The following YME1L1 variants were observed in gnomAD, a reference collection of about 807,000 sequenced individuals.
YME1L1 encodes ATP-dependent zinc metalloprotease YME1L1.
YME1L1 carries 39 observed loss-of-function variants against 90.4 expected under a neutral mutation model. That is an observed-to-expected ratio of 0.43 (90% CI 0.33 to 0.56). The LOEUF is 0.56. Ranked by LOEUF, YME1L1 falls within the 20% of genes least tolerant of loss-of-function variation. The pLI is 0.03. For missense variants in YME1L1, 617 were observed against 868.4 expected (o/e 0.71, Z 3.64); for synonymous variants, 284 against 287.3 (o/e 0.99, Z 0.12).
chr10:27,129,482 G>T (rs1236356072), intron 8 of YME1L1: 1 of 151,620 alleles, frequency 6.6e-6, no homozygotes, highest in East Asian at 1.9e-4. Flanking sequence ...AATAAGTAAA[G>T]AAGAAAAGCA....
intron 6 of YME1L1, among the ~76,000 whole-genome samples, 192 bp from the exon 7 acceptor site, chr10:27,134,314 T>C (rs942096041): frequency 2.6e-5 from 4 of 152,226 alleles, no homozygotes; most frequent in African/African-American, 4.8e-5. Flanking sequence ...CCAAGCATGG[T>C]GGCTCATGCC....
chr10:27,148,895 T>A lies in YME1L1; in HGVS notation c.168+11A>T. 6.2e-7 allele frequency: 1 copy of A among 1,613,436 alleles called. No homozygotes were observed. Among genetic ancestry groups the A allele is most frequent in the Non-Finnish European group, 8.5e-7 (1 of 1,179,908 alleles). On this transcript the variant is annotated intron_variant, in intron 2 of 18. Transcript: ENST00000376016. ...AAAAGGCTTTCTCACACAACCAGGATAAAGACTTACCTCACTGCTGGGAGC... is the reference window on the plus strand; with the variant it reads ...AAAAGGCTTTCTCACACAACCAGGAAAAAGACTTACCTCACTGCTGGGAGC...
Position 27,124,525 on chromosome 10 carries a change from TA to T in YME1L1, c.950-827del, listed in dbSNP as rs535919216. Among the ~76,000 whole-genome samples the T allele has an allele frequency of 4.5e-3, 679 of 152,204 alleles. 4 individuals carry two copies. Among genetic ancestry groups the T allele is most frequent in the African/African-American group, 0.015 (635 of 41,550 alleles). On this transcript the variant is annotated intron_variant, in intron 9 of 18. Coordinates refer to ENST00000376016, the MANE Select transcript of YME1L1 (RefSeq NM_014263.4). ...CATACATGTTTGCTGCATTTTAACA[TA>T]AAAAAAATTTTAAAGAAAGCTCAAG...
Position 27,152,992 on chromosome 10 carries a change from A to T in YME1L1, c.33+1186T>A, listed in dbSNP as rs551587142. On this transcript the variant is annotated intron_variant, in intron 1 of 18. Coordinates refer to ENST00000376016, the MANE Select transcript of YME1L1 (RefSeq NM_014263.4). ...TAATATATCCTTTACTCCCTGTATG[A>T]TCTGCCTCAAGTCTTTTCTCCAACC... is the stretch of plus-strand genomic sequence containing the variant. 6.5e-4 allele frequency among the ~76,000 whole-genome samples: 99 copies of T among 152,272 alleles called. 1 individual carries two copies. The highest frequency in any genetic ancestry group is 2.2e-3 in the African/African-American group (92 of 41,546).
intron 12 of YME1L1, 128 bp downstream of exon 12, chr10:27,121,258 T>G (rs990077920): frequency 4.5e-6 from 3 of 667,628 alleles, no homozygotes; most frequent in Non-Finnish European, 8.0e-6. Flanking sequence ...TCTGTGAATT[T>G]GCTTATTCTG....
chr10:27,141,270 C>T (rs757612572), intron 4 of YME1L1, among the ~76,000 whole-genome samples: 1 of 152,058 alleles, frequency 6.6e-6, no homozygotes, highest in Non-Finnish European at 1.5e-5. Flanking sequence ...GTGGTGGGAA[C>T]CTGTAATCCC....
intron 12 of YME1L1, among the ~76,000 whole-genome samples, 185 bp from the exon 13 acceptor site, chr10:27,120,732 A>G (rs2056858975): frequency 1.3e-5 from 2 of 152,240 alleles, no homozygotes; most frequent in South Asian, 2.1e-4. Flanking sequence ...ATAACCAGAA[A>G]GCAGAACAAA....
intron 4 of YME1L1, among the ~76,000 whole-genome samples, chr10:27,138,924 T>C (rs1409200436): frequency 6.6e-6 from 1 of 151,994 alleles, no homozygotes; most frequent in Admixed American, 6.6e-5. Context: ...TTTCTAAGAG[T>C]TTTCAGGAAG....
intron 18 of YME1L1, among the ~76,000 whole-genome samples, chr10:27,112,946 G>T (rs1302398428): frequency 2.0e-5 from 3 of 152,066 alleles, no homozygotes. Flanking sequence ...GCCTGGCTGG[G>T]TGCGGTGGCT....
chr10:27,113,230 A>T (rs868418254), intron 18 of YME1L1, among the ~76,000 whole-genome samples: 52 of 11,390 alleles, frequency 4.6e-3, no homozygotes, highest in Middle Eastern at 0.045. Flanking sequence ...AAAAAAAAAA[A>T]AAAAAAAAAA....
chr10:27,122,800 G>A, intron 11 of YME1L1, 41 bp downstream of exon 11: 2 of 1,608,284 alleles, frequency 1.2e-6, no homozygotes, highest in East Asian at 2.2e-5. Flanking sequence ...CAAATGCTGG[G>A]AGGCATCACC....
intron 7 of YME1L1, among the ~76,000 whole-genome samples, chr10:27,132,842 TAAAAA>T (rs1488459767): frequency 6.6e-6 from 1 of 151,924 alleles, no homozygotes. Flanking sequence ...TGAAATAAAA[TAAAAA>T]AATAAAATAA....
At chr10:27,146,913 A>T (rs1241139770) in intron 2 of YME1L1, 1 of 160,892 alleles carries the variant, frequency 6.2e-6, no homozygotes, top group Non-Finnish European at 1.4e-5. Flanking sequence ...TGCCTTACTC[A>T]TCTACGTATC....
chr10:27,145,001 C>T (rs1440402061), intron 3 of YME1L1, among the ~76,000 whole-genome samples: 1 of 151,910 alleles, frequency 6.6e-6, no homozygotes, highest in African/African-American at 2.4e-5. Flanking sequence ...ATTAGCCGGG[C>T]GTGGTGGCGG....
chr10:27,110,413 A>C lies in YME1L1; in HGVS notation c.*1564T>G, dbSNP rs1410072089. ...TATAATGTAACAAGCTTCCTGTAAC[A>C]ATATCTATCTTTTTTCAATGAAGAC... On this transcript the variant is annotated 3_prime_UTR_variant, in exon 19 of 19. Coordinates refer to ENST00000376016, the MANE Select transcript of YME1L1 (RefSeq NM_014263.4). 6.6e-6 allele frequency: 1 copy of C among 152,234 alleles called. No individual in the cohort carries two copies. Among genetic ancestry groups the C allele is most frequent in the Non-Finnish European group, 1.5e-5 (1 of 68,044 alleles). 9.4% of individuals were successfully genotyped at this position (152,234 alleles called of 1,614,324 possible).
intron 2 of YME1L1, 93 bp from the exon 3 acceptor site, chr10:27,145,683 A>G: frequency 9.3e-7 from 1 of 1,073,206 alleles, no homozygotes; most frequent in Non-Finnish European, 1.3e-6. Context: ...ATCAGATTTT[A>G]AAAGTCTAAC....
intron 4 of YME1L1, among the ~76,000 whole-genome samples, chr10:27,139,044 G>A (rs562687106): frequency 6.6e-6 from 1 of 151,860 alleles, no homozygotes; most frequent in African/African-American, 2.4e-5. Context: ...AATCACTTTT[G>A]TATTCCTTAA....
intron 1 of YME1L1, among the ~76,000 whole-genome samples, chr10:27,149,769 T>TAA (rs759244720): frequency 1.5e-4 from 10 of 66,476 alleles, no homozygotes; most frequent in South Asian, 9.1e-4. Context: ...CATCCAACAT[T>TAA]TAAAAAAAAA....
intron 8 of YME1L1, among the ~76,000 whole-genome samples, chr10:27,129,854 T>C (rs1374063903): frequency 1.3e-5 from 2 of 152,204 alleles, no homozygotes; most frequent in Non-Finnish European, 2.9e-5. Flanking sequence ...ACTTCCTCCA[T>C]TAACCACTCA....
Sources: allele counts gnomAD v4.1 joint callset (sites outside exome capture counted in the v4.1 genomes callset), GRCh38; gene constraint gnomAD v4.1.1; transcripts MANE v1.5; gene names NCBI Gene and HGNC (gene_info 2026-07-23, HGNC 2026-07-21).